PEPD: variants seen among roughly 807,000 people sequenced by gnomAD.
PEPD encodes the protein xaa-Pro dipeptidase.
PEPD carries 53 observed loss-of-function variants against 60.7 expected under a neutral mutation model. The observed-to-expected ratio is 0.87, with a 90% CI of 0.70 to 1.10. PEPD has a LOEUF of 1.10. PEPD is among the 50% of genes least tolerant of loss of function. The pLI is 0.00. For synonymous variants in PEPD, 267 were observed against 284.1 expected, an observed-to-expected ratio of 0.94 and a Z score of 0.60; for missense variants, 711 against 711.9, an observed-to-expected ratio of 1.00 and a Z score of 0.01.
At chr19:33,398,060 G>A (rs1968406962) in intron 12 of PEPD, among the ~76,000 whole-genome samples, 2 of 152,214 alleles carry the variant, frequency 1.3e-5, no homozygotes, top group African/African-American at 2.4e-5. Context: ...TTTCAGCACA[G>A]GAGACTGAGG....
At chr19:33,512,444 G>C in intron 2 of PEPD, 149 bp downstream of exon 2, 1 of 731,684 alleles carries the variant, frequency 1.4e-6, no homozygotes, top group Non-Finnish European at 2.3e-6. Context: ...CATCTTCAAG[G>C]AGCCCCTGGA....
At chr19:33,452,578 A>G (rs984605400) in intron 9 of PEPD, among the ~76,000 whole-genome samples, 5 of 152,190 alleles carry the variant, frequency 3.3e-5, no homozygotes, top group Non-Finnish European at 5.9e-5. Context: ...AACACAAGTT[A>G]CATTAGGAAT....
Position 33,401,815 on chromosome 19 carries a change from G to A in PEPD, c.873C>T (p.Ser291=), listed in dbSNP as rs1027620117. Residue 291 remains serine (S), a synonymous_variant, in exon 12 of 15, where the codon TCC becomes TCT. Coordinates refer to ENST00000244137, the MANE Select transcript of PEPD (RefSeq NM_000285.4). The stretch of plus-strand genomic sequence containing the variant: ...CAGTGAACTTGCCGTTGGCGGGAAA[G>A]GAGCAGGTGATGTCGGAAGCGAAGC... ...YYCFASDITC[S]FPANGKFTAD... is the part of the protein sequence containing the mutation. 4.3e-6 allele frequency: 7 copies of A among 1,613,106 alleles called. No homozygotes were observed. Among genetic ancestry groups the A allele is most frequent in the Admixed American group, 3.3e-5 (2 of 59,984 alleles).
At chr19:33,443,210 G>A (rs1969518540) in intron 9 of PEPD, among the ~76,000 whole-genome samples, 1 of 152,168 alleles carries the variant, frequency 6.6e-6, no homozygotes, top group Non-Finnish European at 1.5e-5. Context: ...TGAACACCAT[G>A]TTTTCAAGAT....
chr19:33,461,989 C>T (rs972570349), intron 9 of PEPD, among the ~76,000 whole-genome samples: 3 of 152,204 alleles, frequency 2.0e-5, no homozygotes, highest in Admixed American at 6.5e-5. Context: ...CAGGGCAAGA[C>T]CTTAAAAAGA....
intron 4 of PEPD, among the ~76,000 whole-genome samples, chr19:33,497,511 G>A (rs983900832): frequency 3.3e-5 from 5 of 152,236 alleles, no homozygotes; most frequent in East Asian, 1.9e-4. Flanking sequence ...AGGGAACCTC[G>A]GAGCCAGCTG....
intron 5 of PEPD, among the ~76,000 whole-genome samples, chr19:33,492,084 T>C (rs912210082): frequency 4.6e-5 from 7 of 150,944 alleles, no homozygotes; most frequent in Middle Eastern, 3.5e-3. Flanking sequence ...AGGGTCACTT[T>C]GGGGGGAAGG....
intron 3 of PEPD, among the ~76,000 whole-genome samples, chr19:33,504,938 T>A (rs1166594445): frequency 6.6e-6 from 1 of 152,046 alleles, no homozygotes; most frequent in African/African-American, 2.4e-5. Context: ...GGGACCCCAG[T>A]TGGGCCCTGG....
chr19:33,505,399 CA>C (rs1970780562), intron 3 of PEPD, among the ~76,000 whole-genome samples: 1 of 152,108 alleles, frequency 6.6e-6, no homozygotes, highest in South Asian at 2.1e-4. Flanking sequence ...AGCTTCCTCA[CA>C]GGGGCCACAG....
intron 7 of PEPD, among the ~76,000 whole-genome samples, chr19:33,465,683 C>T (rs1043223670): frequency 6.6e-6 from 1 of 152,132 alleles, no homozygotes; most frequent in East Asian, 1.9e-4. Flanking sequence ...ACTCAGCTTC[C>T]CATGGAACCC....
At chr19:33,494,301 G>A (rs3786912) in intron 4 of PEPD, among the ~76,000 whole-genome samples, 11,071 of 152,206 alleles carry the variant, frequency 0.073, 619 homozygotes, top group Admixed American at 0.17. Flanking sequence ...GGAGAGTGAG[G>A]AGAACTTGTT....
chr19:33,388,712 C>T (rs928883715), intron 13 of PEPD: 4 of 173,088 alleles, frequency 2.3e-5, no homozygotes, highest in East Asian at 1.4e-4. Context: ...CGGGGCCTTA[C>T]GGCAGGGCCC....
In PEPD at chr19:33,415,990, C is replaced by T. The variant is rs180948680; in HGVS notation, c.672-2347G>A. 1.3e-3 allele frequency among the ~76,000 whole-genome samples: 197 copies of T among 152,360 alleles called. 1 individual carries two copies. The highest frequency in any genetic ancestry group is 4.7e-3 in the African/African-American group (196 of 41,580). ...AAAACGAGCCCACGTTTTCTGCAGA[C>T]TTTAGGCTTGGGGTGTGGACGCACA... is the stretch of plus-strand genomic sequence containing the variant. On this transcript the variant is annotated intron_variant, in intron 9 of 14. Transcript: ENST00000244137.
At chr19:33,418,685 TAGGTCTTCCAAAGAGC>T (rs1309937650) in intron 9 of PEPD, among the ~76,000 whole-genome samples, 1 of 152,150 alleles carries the variant, frequency 6.6e-6, no homozygotes, top group East Asian at 1.9e-4. Context: ...CTGTTCCCCG[TAGGTCTTCCAAAGAGC>T]AGGTACTGGG....
intron 9 of PEPD, among the ~76,000 whole-genome samples, chr19:33,456,322 A>G (rs761523514): frequency 3.3e-5 from 5 of 152,174 alleles, no homozygotes; most frequent in African/African-American, 4.8e-5. Context: ...CTCTGGACTA[A>G]GGAATTCTCC....
At chr19:33,413,928 G>C (rs1405073912) in intron 9 of PEPD, among the ~76,000 whole-genome samples, 1 of 152,212 alleles carries the variant, frequency 6.6e-6, no homozygotes, top group Non-Finnish European at 1.5e-5. Context: ...GCCATGGCGA[G>C]TGGCTTCCCA....
intron 7 of PEPD, among the ~76,000 whole-genome samples, chr19:33,473,204 C>T (rs901159920): frequency 1.3e-5 from 2 of 152,176 alleles, no homozygotes; most frequent in African/African-American, 4.8e-5. Context: ...CCCTAGGAGT[C>T]CCACTTCCCA....
intron 12 of PEPD, among the ~76,000 whole-genome samples, chr19:33,393,313 G>A (rs576544668): frequency 3.3e-5 from 5 of 151,742 alleles, no homozygotes; most frequent in East Asian, 1.9e-4. Flanking sequence ...GGTCTGGCGT[G>A]GGGGAGAGCC....
At chr19:33,467,243 T>C (rs1970037591) in intron 7 of PEPD, among the ~76,000 whole-genome samples, 1 of 148,148 alleles carries the variant, frequency 6.8e-6, no homozygotes, top group Non-Finnish European at 1.5e-5. Context: ...AGGGAGGCCC[T>C]GGGCTTGTGA....
Sources: allele counts gnomAD v4.1 joint callset (sites outside exome capture counted in the v4.1 genomes callset), GRCh38; gene constraint gnomAD v4.1.1; transcripts MANE v1.5; gene names NCBI Gene and HGNC (gene_info 2026-07-23, HGNC 2026-07-21).